MARCHF1: variants seen among roughly 807,000 people sequenced by gnomAD.
MARCHF1 encodes the protein E3 ubiquitin-protein ligase MARCHF1.
In MARCHF1, 40 loss-of-function variants were observed where a neutral mutation model predicts 54.2. That is an observed-to-expected ratio of 0.74 (90% CI 0.57 to 0.96). The LOEUF (loss-of-function observed/expected upper bound fraction) is 0.96, where lower values mean the gene tolerates loss of function less well. Among genes scored for constraint, MARCHF1 ranks in the 40% least tolerant of loss-of-function variants. The pLI is 0.00. For synonymous variants in MARCHF1, 236 were observed against 236.3 expected, an observed-to-expected ratio of 1.00 and a Z score of 0.01; for missense variants, 586 against 656.5, an observed-to-expected ratio of 0.89 and a Z score of 1.17.
chr4:163,929,215 G>A (rs969093875), intron 3 of MARCHF1, among the ~76,000 whole-genome samples: 2 of 151,890 alleles, frequency 1.3e-5, no homozygotes, highest in Non-Finnish European at 2.9e-5. Context: ...AGACAACTAG[G>A]TACATTTCTT....
intron 1 of MARCHF1, among the ~76,000 whole-genome samples, chr4:164,236,619 A>G (rs929529173): frequency 1.3e-4 from 20 of 152,152 alleles, no homozygotes; most frequent in African/African-American, 4.3e-4. Context: ...AGCTGGGAAC[A>G]TGTGCATTGA....
intron 8 of MARCHF1, among the ~76,000 whole-genome samples, chr4:163,545,986 T>G (rs1009259680): frequency 6.0e-5 from 9 of 150,904 alleles, no homozygotes; most frequent in Non-Finnish European, 1.2e-4. Context: ...TGTGTGTGTA[T>G]TTTTTTGAGA....
chr4:164,083,945 T>C (rs772851396), intron 2 of MARCHF1, among the ~76,000 whole-genome samples: 33 of 152,076 alleles, frequency 2.2e-4, no homozygotes, highest in Non-Finnish European at 3.8e-4. Flanking sequence ...CCTAGAGATA[T>C]AATTTTTGCT....
intron 3 of MARCHF1, among the ~76,000 whole-genome samples, chr4:163,955,516 C>T (rs768156923): frequency 1.3e-5 from 2 of 152,096 alleles, no homozygotes; most frequent in African/African-American, 4.8e-5. Context: ...TCCACAGGCC[C>T]GTCCTGTCTG....
chr4:164,219,364 G>C (rs570802185), intron 1 of MARCHF1, among the ~76,000 whole-genome samples: 1 of 152,154 alleles, frequency 6.6e-6, no homozygotes, highest in East Asian at 1.9e-4. Flanking sequence ...TTAAAGTTCA[G>C]ATGTTATTTT....
At chr4:164,066,350 A>C (rs1033966265) in intron 2 of MARCHF1, among the ~76,000 whole-genome samples, 1 of 152,218 alleles carries the variant, frequency 6.6e-6, no homozygotes, top group Non-Finnish European at 1.5e-5. Context: ...AGTGGTTACT[A>C]TTAAAAAGTC....
intron 1 of MARCHF1, among the ~76,000 whole-genome samples, chr4:164,313,348 C>CAAAAAAAAAAAAAAAAAA (rs553280791): frequency 7.4e-4 from 59 of 80,188 alleles, no homozygotes; most frequent in African/African-American, 2.8e-3. Context: ...GACTCTGTCT[C>CAAAAAAAAAAAAAAAAAA]AAAAAAAAAA....
intron 2 of MARCHF1, among the ~76,000 whole-genome samples, chr4:163,993,129 T>C (rs1427570898): frequency 3.3e-5 from 5 of 152,130 alleles, no homozygotes; most frequent in African/African-American, 7.2e-5. Context: ...CATACACTTA[T>C]GTATTAATTG....
chr4:164,159,377 C>T (rs1036442115), intron 1 of MARCHF1, among the ~76,000 whole-genome samples: 4 of 151,948 alleles, frequency 2.6e-5, no homozygotes, highest in East Asian at 1.9e-4. Flanking sequence ...TACCACAAAA[C>T]GTCCATGTTA....
intron 4 of MARCHF1, among the ~76,000 whole-genome samples, chr4:163,823,316 T>C (rs981463371): frequency 6.6e-6 from 1 of 151,822 alleles, no homozygotes; most frequent in African/African-American, 2.4e-5. Context: ...ATGAAACAAC[T>C]TGGCCTGGAT....
chr4:163,704,127 AAT>A (rs1554006240), intron 4 of MARCHF1, among the ~76,000 whole-genome samples: 40 of 151,908 alleles, frequency 2.6e-4, no homozygotes, highest in African/African-American at 9.6e-4. Flanking sequence ...ATGAAAAAAA[AAT>A]AAATATTTCT....
chr4:163,575,163 G>T (rs1324897051), intron 8 of MARCHF1, among the ~76,000 whole-genome samples: 1 of 151,934 alleles, frequency 6.6e-6, no homozygotes, highest in Admixed American at 6.6e-5. Flanking sequence ...CTGTGGGTTT[G>T]TAGGGCTCTT....
At chr4:163,860,233 C>T (rs1056737289) in intron 3 of MARCHF1, among the ~76,000 whole-genome samples, 3 of 151,960 alleles carry the variant, frequency 2.0e-5, no homozygotes, top group Non-Finnish European at 2.9e-5. Context: ...GCTGTATCTT[C>T]GATATATTAT....
At chr4:164,350,462 T>C (rs1470642123) in intron 1 of MARCHF1, among the ~76,000 whole-genome samples, 1 of 152,178 alleles carries the variant, frequency 6.6e-6, no homozygotes, top group Non-Finnish European at 1.5e-5. Context: ...ATATATTTAA[T>C]AATTTATTGT....
chr4:164,314,699 T>C (rs1162650762), intron 1 of MARCHF1, among the ~76,000 whole-genome samples: 1 of 152,134 alleles, frequency 6.6e-6, no homozygotes, highest in African/African-American at 2.4e-5. Flanking sequence ...AAATAAATAT[T>C]TGTTAGGAAT....
chr4:164,125,568 T>C (rs1211077251), intron 1 of MARCHF1, among the ~76,000 whole-genome samples: 1 of 152,170 alleles, frequency 6.6e-6, no homozygotes, highest in African/African-American at 2.4e-5. Context: ...TTTACATATA[T>C]ACAATTCCAA....
intron 1 of MARCHF1, among the ~76,000 whole-genome samples, chr4:164,252,676 CAATT>C (rs781254511): frequency 5.3e-5 from 8 of 151,948 alleles, no homozygotes; most frequent in Non-Finnish European, 1.0e-4. Context: ...ATCAATCAAT[CAATT>C]ATTTACTTTA....
intron 4 of MARCHF1, among the ~76,000 whole-genome samples, chr4:163,852,056 T>A (rs1749656146): frequency 6.6e-6 from 1 of 152,204 alleles, no homozygotes. Context: ...TGGATTTAAT[T>A]CCATTGGTAA....
chr4:164,045,548 T>G (rs964423202), intron 2 of MARCHF1, among the ~76,000 whole-genome samples: 6 of 149,640 alleles, frequency 4.0e-5, no homozygotes, highest in African/African-American at 1.2e-4. Context: ...AATAAATAAA[T>G]AAAACCGTTT....
Sources: gnomAD v4.1 joint callset for allele counts (sites outside exome capture counted in the v4.1 genomes callset) on GRCh38, gnomAD v4.1.1 for gene constraint, MANE v1.5 for transcripts, NCBI Gene and HGNC (gene_info 2026-07-23, HGNC 2026-07-21) for gene names.